The following NPHS2 variants were observed in gnomAD, a reference collection of about 807,000 sequenced individuals.
NPHS2 encodes podocin.
In NPHS2, 36 loss-of-function variants were observed where a neutral mutation model predicts 37.1. The ratio of observed to expected loss-of-function variants is 0.97; its 90% CI spans 0.74 to 1.28. The LOEUF (loss-of-function observed/expected upper bound fraction) is 1.28, where lower values mean the gene tolerates loss of function less well. NPHS2 is among the 50% of genes most tolerant of loss of function. The pLI is 0.00. For missense variants in NPHS2, 447 were observed against 488.1 expected (o/e 0.92, Z 0.79); for synonymous variants, 196 against 189.3 (o/e 1.04, Z -0.29).
intron 1 of NPHS2, among the ~76,000 whole-genome samples, chr1:179,574,596 C>A (rs2101885636): frequency 6.6e-6 from 1 of 152,270 alleles, no homozygotes; most frequent in South Asian, 2.1e-4. Flanking sequence ...TTAACGTGAC[C>A]CATTTAAATT....
rs138545216 is a variant in NPHS2, at chr1:179,557,094, C to T, written c.671G>A (p.Arg224His). 90 of 1,614,074 alleles carry T rather than the reference C, an allele frequency of 5.6e-5. No individual in the cohort carries two copies. Among genetic ancestry groups the T allele is most frequent in the East Asian group, 4.5e-4 (20 of 44,882 alleles). Residue 224 changes from arginine to histidine, a missense_variant, in exon 5 of 8, where the codon CGT becomes CAT. Transcript: ENST00000367615. The stretch of plus-strand genomic sequence containing the variant: ...AGTGAGGGATCGATGTGCTAGGAGA[C>T]GCTTCATAGTGGTTTGCACAAGGAA... ...VQFLVQTTMKRLLAHRSLTEI... is the reference protein window; with the variant it reads ...VQFLVQTTMKHLLAHRSLTEI...
In NPHS2 at chr1:179,557,044, T is replaced by C. The variant is rs147672543; in HGVS notation, c.721A>G (p.Ile241Val). ...LTEILLERKS[I>V]AQDAKVALDS... ...CTAAGTACCTTTGCATCTTGGGCGA[T>C]GCTCTTCCTCTCTAGAAGAATTTCA... The change falls in exon 5 of 8, where the codon ATC (isoleucine) becomes GTC (valine). Residue 241 changes from isoleucine (I) to valine (V), a missense_variant. Ile to Val is a conservative substitution (Grantham distance 29). Coordinates refer to ENST00000367615, the MANE Select transcript of NPHS2 (RefSeq NM_014625.4). The C allele has an allele frequency of 6.2e-6, 10 of 1,613,708 alleles. No homozygotes were observed. The African/African-American group carries it at 1.2e-4, about 19-fold the overall frequency.
At chr1:179,569,247 C>G (rs530088787) in intron 1 of NPHS2, among the ~76,000 whole-genome samples, 1 of 151,894 alleles carries the variant, frequency 6.6e-6, no homozygotes, top group South Asian at 2.1e-4. Flanking sequence ...GTATTGGGTG[C>G]ATATATATTT....
chr1:179,571,830 G>A (rs1005097937), intron 1 of NPHS2, among the ~76,000 whole-genome samples: 6 of 152,230 alleles, frequency 3.9e-5, no homozygotes, highest in Non-Finnish European at 7.3e-5. Context: ...TCAGACTGCT[G>A]CGCTAGCAGT....
At chr1:179,570,453 T>A (rs1674509486) in intron 1 of NPHS2, among the ~76,000 whole-genome samples, 1 of 152,256 alleles carries the variant, frequency 6.6e-6, no homozygotes, top group Non-Finnish European at 1.5e-5. Context: ...GCTAGTTAAC[T>A]GCAGCAGGAG....
intron 1 of NPHS2, 70 bp from the exon 2 acceptor site, chr1:179,564,863 G>T: frequency 1.6e-6 from 2 of 1,267,528 alleles, no homozygotes; most frequent in Non-Finnish European, 2.3e-6. Context: ...GCATCTGTTG[G>T]TCCAATTCTT....
rs551511369 is a variant in NPHS2, at chr1:179,551,352, G to A, written c.973C>T (p.His325Tyr). 1 of 1,614,146 alleles carries A rather than the reference G, an allele frequency of 6.2e-7. No individual in the cohort carries two copies. The highest frequency in any genetic ancestry group is 1.3e-5 in the African/African-American group (1 of 75,044). ...TCTGTGGACAGAGACTGAAGGGTGT[G>A]GAGGTATCGAAGCTGAACGGCAGCA... ...TPAAVQLRYLHTLQSLSTEKP... is the reference protein window; with the variant it reads ...TPAAVQLRYLYTLQSLSTEKP... Residue 325 changes from histidine (H) to tyrosine (Y), a missense_variant, in exon 8 of 8, where the codon CAC (histidine) becomes TAC (tyrosine). Coordinates refer to ENST00000367615, the MANE Select transcript of NPHS2 (RefSeq NM_014625.4).
In NPHS2 at chr1:179,561,277, G is replaced by A; in HGVS notation, c.451+12C>T. On this transcript the variant is annotated intron_variant, in intron 3 of 7. Coordinates refer to ENST00000367615, the MANE Select transcript of NPHS2 (RefSeq NM_014625.4). ...GAGAGAGGTGTTTAGAAAAAAAAGA[G>A]TGTTTTTTTACCAGGGCCTTTGGCT... 6.2e-7 allele frequency: 1 copy of A among 1,602,606 alleles called. No homozygotes were observed. The highest frequency in any genetic ancestry group is 1.7e-5 in the Admixed American group (1 of 59,996).
At chr1:179,566,824 C>G (rs193015781) in intron 1 of NPHS2, among the ~76,000 whole-genome samples, 25 of 152,288 alleles carry the variant, frequency 1.6e-4, no homozygotes, top group Admixed American at 1.1e-3. Context: ...AATAGGGAAT[C>G]CTTTCCCCAT....
At chr1:179,552,135 C>T (rs148490183) in intron 7 of NPHS2, 47 of 176,714 alleles carry the variant, frequency 2.7e-4, no homozygotes, top group African/African-American at 9.5e-4. Flanking sequence ...CTCTTGCTGT[C>T]ATGCCTGAGT....
chr1:179,560,578 A>G (rs1313879299), intron 3 of NPHS2, among the ~76,000 whole-genome samples: 14 of 151,944 alleles, frequency 9.2e-5, no homozygotes, highest in Non-Finnish European at 8.8e-5. Context: ...AAACTCTGAT[A>G]TTTGTCCCTA....
chr1:179,563,566 G>A (rs1211673477), intron 2 of NPHS2, among the ~76,000 whole-genome samples: 2 of 152,102 alleles, frequency 1.3e-5, no homozygotes, highest in Non-Finnish European at 2.9e-5. Context: ...AATATGCTAG[G>A]CCATAAAACT....
At chr1:179,571,329 C>T (rs961456877) in intron 1 of NPHS2, among the ~76,000 whole-genome samples, 8 of 152,176 alleles carry the variant, frequency 5.3e-5, no homozygotes, top group South Asian at 2.1e-4. Flanking sequence ...GTCCCTCAGC[C>T]GCAGATCTGT....
In NPHS2 at chr1:179,559,607, A is replaced by T. The variant is rs527894279; in HGVS notation, c.534+72T>A. Reference sequence around the variant, plus strand: ...TTTTCTTTCCTATTTTTGAGTATAAATAATCATTTTGTCCACGGTAGGTAG... The same window carrying T: ...TTTTCTTTCCTATTTTTGAGTATAATTAATCATTTTGTCCACGGTAGGTAG... On this transcript the variant is annotated intron_variant, in intron 4 of 7. Transcript: ENST00000367615. 9.1e-6 allele frequency: 9 copies of T among 993,972 alleles called. No homozygotes were observed. In the East Asian group the frequency reaches 1.3e-4, roughly 15 times the overall value. The allele number at this position is 993,972 out of a possible 1,614,324, so 61.6% of individuals were successfully genotyped here.
chr1:179,558,125 G>A (rs921883138), intron 4 of NPHS2, among the ~76,000 whole-genome samples: 4 of 152,030 alleles, frequency 2.6e-5, no homozygotes, highest in Admixed American at 2.6e-4. Flanking sequence ...ATACAGTCCA[G>A]TGATACTGAA....
intron 7 of NPHS2, 169 bp downstream of exon 7, chr1:179,552,434 C>T: frequency 1.5e-6 from 1 of 658,106 alleles, no homozygotes; most frequent in East Asian, 2.8e-5. Flanking sequence ...TTGCATTAGT[C>T]AGGGGACTAT....
At chr1:179,572,277 A>G (rs1674594046) in intron 1 of NPHS2, among the ~76,000 whole-genome samples, 1 of 152,206 alleles carries the variant, frequency 6.6e-6, no homozygotes, top group African/African-American at 2.4e-5. Flanking sequence ...ATTCATTACA[A>G]GCCTTAATGT....
At chr1:179,567,306 G>A (rs1171467475) in intron 1 of NPHS2, among the ~76,000 whole-genome samples, 1 of 152,062 alleles carries the variant, frequency 6.6e-6, no homozygotes, top group Non-Finnish European at 1.5e-5. Flanking sequence ...GGATTCCTAG[G>A]TATTTTATTC....
chr1:179,559,845 A>G (rs534554869), intron 3 of NPHS2, 84 bp from the exon 4 acceptor site: 3 of 821,460 alleles, frequency 3.7e-6, no homozygotes, highest in East Asian at 5.6e-5. Flanking sequence ...CAGGTTGCAC[A>G]CTACATTACT....
Sources: allele counts gnomAD v4.1 joint callset (sites outside exome capture counted in the v4.1 genomes callset), GRCh38; gene constraint gnomAD v4.1.1; transcripts MANE v1.5; gene names NCBI Gene and HGNC (gene_info 2026-07-23, HGNC 2026-07-21).